KCNJ3: variants seen among roughly 807,000 people sequenced by gnomAD.
KCNJ3 encodes the protein G protein-activated inward rectifier potassium channel 1.
Under a neutral mutation model 39.2 loss-of-function variants are expected in KCNJ3, and 4 were observed. The observed-to-expected ratio is 0.10, with a 90% CI of 0.05 to 0.23. The LOEUF (loss-of-function observed/expected upper bound fraction) is 0.23, where lower values mean the gene tolerates loss of function less well. Ranked by LOEUF, KCNJ3 falls within the 10% of genes least tolerant of loss-of-function variation. The probability of loss-of-function intolerance (pLI) is 1.00; values close to 1 mark genes in which losing one functional copy is unlikely to be tolerated. For missense variants in KCNJ3, 276 were observed against 634.9 expected (o/e 0.43, Z 6.08); for synonymous variants, 230 against 237.4 (o/e 0.97, Z 0.29).
At chr2:154,852,731 C>T (rs894767156) in intron 2 of KCNJ3, among the ~76,000 whole-genome samples, 1 of 151,882 alleles carries the variant, frequency 6.6e-6, no homozygotes, top group African/African-American at 2.4e-5. Context: ...TTATGAAATA[C>T]TTAGAGGCTA....
chr2:154,744,556 CA>C (rs1158662728), intron 2 of KCNJ3, among the ~76,000 whole-genome samples: 2 of 151,784 alleles, frequency 1.3e-5, no homozygotes, highest in Admixed American at 6.6e-5. Context: ...TTTGGTAGTA[CA>C]TTTTTTTAAG....
intron 2 of KCNJ3, among the ~76,000 whole-genome samples, chr2:154,779,216 G>A (rs915483017): frequency 2.0e-5 from 3 of 151,690 alleles, no homozygotes; most frequent in Non-Finnish European, 2.9e-5. Flanking sequence ...GAAGTTTAAC[G>A]GTGTTGGTTT....
At chr2:154,726,790 T>TACACACAC (rs1553455084) in intron 2 of KCNJ3, among the ~76,000 whole-genome samples, 3 of 117,642 alleles carry the variant, frequency 2.6e-5, no homozygotes, top group African/African-American at 1.1e-4. Context: ...ATACATTTTA[T>TACACACAC]ATACATACAC....
chr2:154,809,566 A>G (rs1042140688), intron 2 of KCNJ3, among the ~76,000 whole-genome samples: 7 of 152,158 alleles, frequency 4.6e-5, no homozygotes, highest in Non-Finnish European at 1.0e-4. Flanking sequence ...TCAGGTTTTC[A>G]TTTTAGCACC....
chr2:154,781,833 C>A (rs1686444748), intron 2 of KCNJ3, among the ~76,000 whole-genome samples: 1 of 152,146 alleles, frequency 6.6e-6, no homozygotes, highest in African/African-American at 2.4e-5. Flanking sequence ...ATTTCTCCAA[C>A]AATGCTTACC....
At chr2:154,714,124 A>G (rs72874058) in intron 2 of KCNJ3, among the ~76,000 whole-genome samples, 3,923 of 152,268 alleles carry the variant, frequency 0.026, 70 homozygotes, top group Non-Finnish European at 0.039. Context: ...TTTTATAGCT[A>G]CAAATGTTTC....
At chr2:154,741,436 ATT>A (rs57454604) in intron 2 of KCNJ3, among the ~76,000 whole-genome samples, 1,834 of 150,292 alleles carry the variant, frequency 0.012, 42 homozygotes, top group African/African-American at 0.042. Context: ...ATTTTGATGA[ATT>A]TTTTTTTTTC....
chr2:154,715,609 A>T (rs1452112905), intron 2 of KCNJ3, among the ~76,000 whole-genome samples: 4 of 152,256 alleles, frequency 2.6e-5, no homozygotes, highest in Admixed American at 2.6e-4. Flanking sequence ...TATGCAAAAT[A>T]TAAAACTTTA....
chr2:154,762,261 G>T (rs1477089831), intron 2 of KCNJ3, among the ~76,000 whole-genome samples: 2 of 152,198 alleles, frequency 1.3e-5, no homozygotes, highest in African/African-American at 2.4e-5. Context: ...GTTTTACAAG[G>T]CTCTGATGGG....
At chr2:154,727,886 T>C (rs1685387704) in intron 2 of KCNJ3, among the ~76,000 whole-genome samples, 1 of 150,600 alleles carries the variant, frequency 6.6e-6, no homozygotes, top group Non-Finnish European at 1.5e-5. Context: ...AGTCAAATAA[T>C]AATCTTGAGT....
At chr2:154,744,202 T>A (rs1308127300) in intron 2 of KCNJ3, among the ~76,000 whole-genome samples, 1 of 151,724 alleles carries the variant, frequency 6.6e-6, no homozygotes, top group Non-Finnish European at 1.5e-5. Context: ...TACTTGGTTA[T>A]GATGTATAGT....
intron 2 of KCNJ3, among the ~76,000 whole-genome samples, chr2:154,808,143 C>T (rs533036975): frequency 6.7e-6 from 1 of 148,250 alleles, no homozygotes; most frequent in Non-Finnish European, 1.5e-5. Context: ...TGCAGTGGAA[C>T]AATCTCGGTT....
At position 154,824,696 on chromosome 2, in the gene KCNJ3, TTA is replaced by T. The variant is rs1294457816; in HGVS notation, c.920-30029_920-30028del. 2.6e-5 allele frequency among the ~76,000 whole-genome samples: 4 copies of T among 152,220 alleles called. No individual in the cohort carries two copies. In the East Asian group the frequency reaches 7.7e-4, roughly 29 times the overall value. ...TTATAAACAGGAAAACAAACAGTGTTTATTTTTTAATTATGTAATACAAACCA... is the reference window on the plus strand; with the variant it reads ...TTATAAACAGGAAAACAAACAGTGTTTTTTTTAATTATGTAATACAAACCA... On this transcript the variant is annotated intron_variant, in intron 2 of 2. Transcript: ENST00000295101.
intron 2 of KCNJ3, among the ~76,000 whole-genome samples, chr2:154,777,053 C>CACAA: frequency 6.6e-6 from 1 of 151,962 alleles, no homozygotes; most frequent in Middle Eastern, 3.2e-3. Context: ...CACACACACA[C>CACAA]ACACACACTC....
rs140338444 is a variant in KCNJ3 at position 154,721,230 on chromosome 2, T to TTAAGTG, written c.919+11413_919+11418dup. Among the ~76,000 whole-genome samples the TTAAGTG allele has an allele frequency of 2.1e-3, 318 of 152,282 alleles. 6 individuals carry two copies. The East Asian group carries it at 0.044, about 21-fold the overall frequency. ...TCTTTTACGCAAAAGGTCAGGTCTT[T>TTAAGTG]TAAGTGTTTAAAGCCAGTTTTCTAA... On this transcript the variant is annotated intron_variant, in intron 2 of 2. Transcript: ENST00000295101.
intron 2 of KCNJ3, among the ~76,000 whole-genome samples, chr2:154,844,915 G>A (rs768684476): frequency 2.0e-5 from 3 of 152,094 alleles, no homozygotes; most frequent in African/African-American, 2.4e-5. Flanking sequence ...GTGAGGCGAC[G>A]CCTTGCCCTG....
At chr2:154,796,393 A>C (rs528295766) in intron 2 of KCNJ3, among the ~76,000 whole-genome samples, 31 of 152,254 alleles carry the variant, frequency 2.0e-4, no homozygotes, top group African/African-American at 7.5e-4. Context: ...GAAGTATTCC[A>C]ATTTCCTTTA....
chr2:154,706,059 A>G (rs1032783856), intron 1 of KCNJ3, among the ~76,000 whole-genome samples: 2 of 152,104 alleles, frequency 1.3e-5, no homozygotes, highest in Non-Finnish European at 2.9e-5. Context: ...GTGATTCTAA[A>G]TAATTTTCTT....
At chr2:154,844,122 G>A (rs1194856809) in intron 2 of KCNJ3, among the ~76,000 whole-genome samples, 2 of 152,136 alleles carry the variant, frequency 1.3e-5, no homozygotes, top group East Asian at 3.9e-4. Flanking sequence ...CTACAGATGG[G>A]GTTTTGGTGT....
Sources: gnomAD v4.1 joint callset for allele counts (sites outside exome capture counted in the v4.1 genomes callset) on GRCh38, gnomAD v4.1.1 for gene constraint, MANE v1.5 for transcripts, NCBI Gene and HGNC (gene_info 2026-07-23, HGNC 2026-07-21) for gene names.